The following TASP1 variants were observed in gnomAD, a reference collection of about 807,000 sequenced individuals.
The protein encoded by TASP1 is threonine aspartase 1.
A neutral mutation model predicts 56.6 loss-of-function variants in TASP1; 16 were observed. The ratio of observed to expected loss-of-function variants is 0.28; its 90% CI spans 0.19 to 0.43. TASP1 has a LOEUF of 0.43. Among genes scored for constraint, TASP1 ranks in the 20% least tolerant of loss-of-function variants. The probability of loss-of-function intolerance (pLI) is 1.00; values close to 1 mark genes in which losing one functional copy is unlikely to be tolerated. For missense variants in TASP1, 393 were observed against 511.6 expected (o/e 0.77, Z 2.24); for synonymous variants, 179 against 184.2 (o/e 0.97, Z 0.23).
At chr20:13,332,107 T>G in the TASP1 span, among the ~76,000 whole-genome samples, 2 of 152,200 alleles carry the variant, frequency 1.3e-5, no homozygotes, top group Non-Finnish European at 2.9e-5. Flanking sequence ...ACAAAAAGAT[T>G]TTCCTCCCAT....
At chr20:13,428,389 T>C (rs1056196199) in intron 12 of TASP1, among the ~76,000 whole-genome samples, 9 of 152,210 alleles carry the variant, frequency 5.9e-5, no homozygotes, top group Non-Finnish European at 8.8e-5. Flanking sequence ...CTTGGTTTGG[T>C]ATGCCTGCCT....
chr20:13,142,025 A>C, the TASP1 span, among the ~76,000 whole-genome samples: 5 of 152,346 alleles, frequency 3.3e-5, no homozygotes, highest in East Asian at 1.9e-4. Context: ...TCTAGTTAAG[A>C]GGGAAAGTTT....
chr20:13,287,117 G>C, the TASP1 span, among the ~76,000 whole-genome samples: 1 of 152,168 alleles, frequency 6.6e-6, no homozygotes, highest in Non-Finnish European at 1.5e-5. Flanking sequence ...AGTTTGATAG[G>C]TGTATTAGTC....
the TASP1 span, among the ~76,000 whole-genome samples, chr20:13,126,914 T>C: frequency 6.6e-6 from 1 of 152,388 alleles, no homozygotes; most frequent in East Asian, 1.9e-4. Context: ...CTTTCTAATT[T>C]ACCTCATTGT....
the TASP1 span, among the ~76,000 whole-genome samples, chr20:13,171,552 A>C: frequency 1.3e-5 from 2 of 152,226 alleles, no homozygotes; most frequent in Admixed American, 1.3e-4. Flanking sequence ...TAACAGGTAC[A>C]TAATATAGAA....
At chr20:13,183,449 A>G in the TASP1 span, among the ~76,000 whole-genome samples, 194 of 152,352 alleles carry the variant, frequency 1.3e-3, no homozygotes, top group Admixed American at 5.9e-3. Flanking sequence ...GTATATTTTA[A>G]TAAGTCTCTA....
intron 10 of TASP1, among the ~76,000 whole-genome samples, chr20:13,499,780 T>C (rs528133563): frequency 2.0e-5 from 3 of 152,212 alleles, no homozygotes; most frequent in Non-Finnish European, 4.4e-5. Context: ...ATATAAACCA[T>C]GGAATACTAT....
chr20:13,251,695 T>C, the TASP1 span, among the ~76,000 whole-genome samples: 10 of 152,332 alleles, frequency 6.6e-5, no homozygotes, highest in African/African-American at 2.2e-4. Flanking sequence ...AGACTCTATC[T>C]TCTGACCTTC....
chr20:13,458,194 G>A (rs970344234), intron 11 of TASP1, among the ~76,000 whole-genome samples: 27 of 152,128 alleles, frequency 1.8e-4, no homozygotes, highest in East Asian at 5.8e-4. Context: ...TTTCAAAACC[G>A]CACACTTATT....
chr20:13,253,773 TG>T, the TASP1 span, among the ~76,000 whole-genome samples: 1 of 152,050 alleles, frequency 6.6e-6, no homozygotes, highest in Non-Finnish European at 1.5e-5. Context: ...AGTTTTTCTG[TG>T]AGCTCAGCTA....
intron 10 of TASP1, among the ~76,000 whole-genome samples, chr20:13,522,745 G>A (rs763394229): frequency 4.6e-5 from 7 of 152,074 alleles, no homozygotes; most frequent in Non-Finnish European, 7.4e-5. Flanking sequence ...CCATCAGACT[G>A]GATGAGACAC....
chr20:13,388,907 C>T (rs1317754525), downstream of TASP1, among the ~76,000 whole-genome samples: 2 of 152,132 alleles, frequency 1.3e-5, no homozygotes, highest in East Asian at 1.9e-4. Flanking sequence ...ACATTGATGT[C>T]AAGTGTATAA....
In TASP1 at chr20:13,569,596, G is replaced by A. The variant is rs761258322; in HGVS notation, c.489-10C>T. The A allele has an allele frequency of 1.2e-6, 2 of 1,608,420 alleles. No individual in the cohort carries two copies. Among genetic ancestry groups the A allele is most frequent in the East Asian group, 4.5e-5 (2 of 44,738 alleles). ...TTCTCCAACTAAAAAGCTAACAACAGAAAAATTATTTTTAAAATTCACAGT... is the reference window on the plus strand; with the variant it reads ...TTCTCCAACTAAAAAGCTAACAACAAAAAAATTATTTTTAAAATTCACAGT... On this transcript the variant is annotated splice_polypyrimidine_tract_variant and intron_variant, in intron 6 of 13. Coordinates refer to ENST00000337743, the MANE Select transcript of TASP1 (RefSeq NM_017714.3).
intron 4 of TASP1, among the ~76,000 whole-genome samples, chr20:13,621,736 T>C (rs1430280862): frequency 6.6e-6 from 1 of 152,152 alleles, no homozygotes; most frequent in African/African-American, 2.4e-5. Context: ...TAGAATGAAA[T>C]AGTAAACATG....
the TASP1 span, among the ~76,000 whole-genome samples, chr20:13,106,488 G>T: frequency 6.6e-6 from 1 of 152,192 alleles, no homozygotes; most frequent in Non-Finnish European, 1.5e-5. Flanking sequence ...TCAGTGATGA[G>T]TGAGCATTCT....
At chr20:13,393,506 G>C in intron 13 of TASP1, 1 of 786,554 alleles carries the variant, frequency 1.3e-6, no homozygotes. Flanking sequence ...ACTACACTGA[G>C]CACCAGATTG....
chr20:13,631,366 T>G (rs938702125), intron 1 of TASP1, among the ~76,000 whole-genome samples: 1 of 152,214 alleles, frequency 6.6e-6, no homozygotes, highest in African/African-American at 2.4e-5. Flanking sequence ...TGTTTTGTGG[T>G]GGTGTGTTTT....
At chr20:13,245,655 CCTTA>C in the TASP1 span, among the ~76,000 whole-genome samples, 1 of 152,148 alleles carries the variant, frequency 6.6e-6, no homozygotes, top group Non-Finnish European at 1.5e-5. Flanking sequence ...TTACATGGGT[CCTTA>C]CTTTTCCAGA....
the TASP1 span, among the ~76,000 whole-genome samples, chr20:13,219,899 AT>A: frequency 3.4e-4 from 52 of 152,344 alleles, 1 homozygote; most frequent in Non-Finnish European, 6.5e-4. Context: ...AAGCAGTTGA[AT>A]TAAGAATCTT....
Sources: gnomAD v4.1 joint callset for allele counts (sites outside exome capture counted in the v4.1 genomes callset) on GRCh38, gnomAD v4.1.1 for gene constraint, MANE v1.5 for transcripts, NCBI Gene and HGNC (gene_info 2026-07-23, HGNC 2026-07-21) for gene names.